TIMM23: variants seen among roughly 807,000 people sequenced by gnomAD.
TIMM23 encodes translocase of inner mitochondrial membrane 23.
A neutral mutation model predicts 30.7 loss-of-function variants in TIMM23; 19 were observed. The ratio of observed to expected loss-of-function variants is 0.62; its 90% CI spans 0.43 to 0.91. TIMM23 has a LOEUF of 0.91. Among genes scored for constraint, TIMM23 ranks in the 40% least tolerant of loss-of-function variants. The pLI is 0.00. For synonymous variants in TIMM23, 78 were observed against 98.5 expected, an observed-to-expected ratio of 0.79 and a Z score of 1.23; for missense variants, 202 against 269.2, an observed-to-expected ratio of 0.75 and a Z score of 1.75.
intron 2 of TIMM23, 44 bp downstream of exon 2, chr10:45,975,556 T>A (rs782478356): frequency 6.2e-7 from 1 of 1,611,836 alleles, no homozygotes; most frequent in Non-Finnish European, 8.5e-7. Context: ...TTTTACCATT[T>A]TAAAAAAAAC....
chr10:45,980,750 ATCT>A (rs1280549234), intron 2 of TIMM23, among the ~76,000 whole-genome samples: 2 of 151,998 alleles, frequency 1.3e-5, no homozygotes, highest in Middle Eastern at 3.2e-3. Flanking sequence ...TTTTTAGTAA[ATCT>A]TCTATACATT....
chr10:45,993,636 A>G (rs1268853226), intron 6 of TIMM23, among the ~76,000 whole-genome samples: 4 of 152,292 alleles, frequency 2.6e-5, no homozygotes, highest in Admixed American at 2.0e-4. Flanking sequence ...CCTGGGCGAT[A>G]GAGCAAGTCT....
Position 45,979,182 on chromosome 10 carries a change from T to G in TIMM23, c.166-3341T>G, listed in dbSNP as rs1837764937. Reference sequence around the variant, plus strand: ...TGATTTTTTTGGGGGGTGATGAAGATGCTTTAAAATTTATTGTAGTCTTGG... The same window carrying G: ...TGATTTTTTTGGGGGGTGATGAAGAGGCTTTAAAATTTATTGTAGTCTTGG... On this transcript the variant is annotated intron_variant, in intron 2 of 6. Transcript: ENST00000580018. Among the ~76,000 whole-genome samples, 11 of 152,320 alleles carry G rather than the reference T, an allele frequency of 7.2e-5. 1 individual carries two copies. Among genetic ancestry groups the G allele is most frequent in the Admixed American group, 7.2e-4 (11 of 15,298 alleles).
At chr10:46,002,910 G>A (rs557124132) in intron 6 of TIMM23, among the ~76,000 whole-genome samples, 1 of 141,044 alleles carries the variant, frequency 7.1e-6, no homozygotes, top group Admixed American at 7.6e-5. Context: ...TGCAACCTCA[G>A]CCTCCTGGGT....
Position 45,972,561 on chromosome 10 carries a change from A to G in TIMM23, c.-64A>G, listed in dbSNP as rs1837521182. On this transcript the variant is annotated 5_prime_UTR_variant, in exon 1 of 7. Transcript: ENST00000580018. ...GGGTTACCCGCTGTTATTGAGGAGTAACGGCCCAGCGGACCACCCAGGCTT... is the reference window on the plus strand; with the variant it reads ...GGGTTACCCGCTGTTATTGAGGAGTGACGGCCCAGCGGACCACCCAGGCTT... The G allele has an allele frequency of 6.4e-7, 1 of 1,563,902 alleles. No individual in the cohort carries two copies. The highest frequency in any genetic ancestry group is 1.4e-5 in the African/African-American group (1 of 72,938).
Position 46,003,357 on chromosome 10 carries a change from T to G in TIMM23, c.*39T>G, listed in dbSNP as rs1338321863. Reference sequence around the variant, plus strand: ...TCATGAATGGAGGACACTTCAGTAGTCATCTAGATCCTTTTATAAGACAGT... The same window carrying G: ...TCATGAATGGAGGACACTTCAGTAGGCATCTAGATCCTTTTATAAGACAGT... On this transcript the variant is annotated 3_prime_UTR_variant, in exon 7 of 7. Coordinates refer to ENST00000580018, the MANE Select transcript of TIMM23 (RefSeq NM_006327.4). 1 of 1,348,526 alleles carries G rather than the reference T, an allele frequency of 7.4e-7. No homozygotes were observed. The highest frequency in any genetic ancestry group is 1.1e-6 in the Non-Finnish European group (1 of 944,594). 83.5% of individuals were successfully genotyped at this position (1,348,526 alleles called of 1,614,324 possible).
At chr10:45,992,240 G>A (rs1554915922) in intron 6 of TIMM23, 3 of 400,848 alleles carry the variant, frequency 7.5e-6, no homozygotes, top group Non-Finnish European at 4.9e-6. Context: ...CTGGATTACA[G>A]GCGTGAGCCA....
intron 6 of TIMM23, among the ~76,000 whole-genome samples, chr10:45,995,117 C>A (rs1456736839): frequency 6.6e-6 from 1 of 151,414 alleles, no homozygotes; most frequent in Non-Finnish European, 1.5e-5. Context: ...ATCTATTTGT[C>A]CTGTGACATA....
chr10:45,986,961 C>T (rs1262757520), intron 5 of TIMM23, among the ~76,000 whole-genome samples: 2 of 152,124 alleles, frequency 1.3e-5, no homozygotes, highest in Non-Finnish European at 2.9e-5. Flanking sequence ...TTCTTCCAGG[C>T]GTTTCTCTGC....
At chr10:45,984,251 C>T (rs1450924506) in intron 4 of TIMM23, among the ~76,000 whole-genome samples, 1 of 152,148 alleles carries the variant, frequency 6.6e-6, no homozygotes, top group African/African-American at 2.4e-5. Flanking sequence ...AACCATCAAC[C>T]ATGGCCAGTT....
intron 6 of TIMM23, among the ~76,000 whole-genome samples, chr10:45,999,994 G>A (rs1564912172): frequency 2.0e-5 from 3 of 152,190 alleles, no homozygotes; most frequent in South Asian, 2.1e-4. Context: ...CTGGCTCACT[G>A]GCGGTCAAAG....
At chr10:45,993,964 G>C (rs1383570429) in intron 6 of TIMM23, among the ~76,000 whole-genome samples, 1 of 152,190 alleles carries the variant, frequency 6.6e-6, no homozygotes, top group Admixed American at 6.5e-5. Context: ...GTGTGGTGGT[G>C]CACTCCAGCT....
chr10:45,996,858 G>A (rs1474282452), intron 6 of TIMM23, among the ~76,000 whole-genome samples: 1 of 151,566 alleles, frequency 6.6e-6, no homozygotes. Flanking sequence ...CCAATTACTG[G>A]GAAGGCTGAG....
intron 1 of TIMM23, among the ~76,000 whole-genome samples, chr10:45,975,086 C>T (rs1473187836): frequency 6.6e-6 from 1 of 152,178 alleles, no homozygotes; most frequent in Non-Finnish European, 1.5e-5. Context: ...ATTGATTAGT[C>T]TTTTTTCAGT....
At chr10:45,999,001 T>C (rs932268938) in intron 6 of TIMM23, among the ~76,000 whole-genome samples, 5 of 152,054 alleles carry the variant, frequency 3.3e-5, no homozygotes, top group African/African-American at 1.2e-4. Context: ...CCTGGCTAAT[T>C]TGTGTATATT....
intron 2 of TIMM23, among the ~76,000 whole-genome samples, chr10:45,975,797 G>T (rs1837657123): frequency 6.6e-6 from 1 of 152,108 alleles, no homozygotes; most frequent in Admixed American, 6.5e-5. Flanking sequence ...GGGGTTTTTT[G>T]TTTGTTTGTT....
intron 1 of TIMM23, among the ~76,000 whole-genome samples, chr10:45,974,049 T>C (rs1837586270): frequency 6.6e-6 from 1 of 152,086 alleles, no homozygotes; most frequent in Admixed American, 6.5e-5. Context: ...GTTAAATTAA[T>C]TTGATTAAGA....
At chr10:45,985,872 T>A (rs1837975065) in intron 5 of TIMM23, among the ~76,000 whole-genome samples, 1 of 152,220 alleles carries the variant, frequency 6.6e-6, no homozygotes, top group Non-Finnish European at 1.5e-5. Context: ...CTGAGTAGAT[T>A]TCAGGCACCT....
chr10:46,002,587 C>T lies in TIMM23; in HGVS notation c.515-616C>T, dbSNP rs550644731. On this transcript the variant is annotated intron_variant, in intron 6 of 6. Coordinates refer to ENST00000580018, the MANE Select transcript of TIMM23 (RefSeq NM_006327.4). ...TACAGACTTAAATCCATTGACAGTG[C>T]TAGTGGAGTTCTAAATCATATTACT... 13 of 701,652 alleles carry T rather than the reference C, an allele frequency of 1.9e-5. No individual in the cohort carries two copies. In the South Asian group the frequency reaches 3.8e-4, roughly 21 times the overall value. The allele number at this position is 701,652 out of a possible 1,614,324, so 43.5% of individuals were successfully genotyped here.
Sources: gnomAD v4.1 joint callset for allele counts (sites outside exome capture counted in the v4.1 genomes callset) on GRCh38, gnomAD v4.1.1 for gene constraint, MANE v1.5 for transcripts, NCBI Gene and HGNC (gene_info 2026-07-23, HGNC 2026-07-21) for gene names.